UVRAG: variants seen among roughly 807,000 people sequenced by gnomAD.
UVRAG encodes UV radiation resistance-associated gene protein.
Under a neutral mutation model 78.0 loss-of-function variants are expected in UVRAG, and 19 were observed. That is an observed-to-expected ratio of 0.24 (90% CI 0.17 to 0.36). The LOEUF (loss-of-function observed/expected upper bound fraction) is 0.36, where lower values mean the gene tolerates loss of function less well. UVRAG is among the 10% of genes least tolerant of loss of function. UVRAG has a pLI of 1.00. For missense variants in UVRAG, 740 were observed against 853.8 expected, an observed-to-expected ratio of 0.87 and a Z score of 1.66; for synonymous variants, 323 against 324.6, an observed-to-expected ratio of 1.00 and a Z score of 0.05.
At chr11:76,112,998 C>T (rs1028982005) in intron 13 of UVRAG, among the ~76,000 whole-genome samples, 1 of 152,116 alleles carries the variant, frequency 6.6e-6, no homozygotes, top group African/African-American at 2.4e-5. Flanking sequence ...GGGTGTGAGC[C>T]ACCACACCTG....
chr11:76,082,817 C>T (rs1201714332), intron 13 of UVRAG, among the ~76,000 whole-genome samples: 2 of 152,046 alleles, frequency 1.3e-5, no homozygotes, highest in African/African-American at 4.8e-5. Context: ...ATCACTTGAG[C>T]CCAGGAGTTC....
intron 13 of UVRAG, among the ~76,000 whole-genome samples, chr11:76,097,106 A>G (rs961964179): frequency 3.3e-5 from 5 of 152,118 alleles, no homozygotes; most frequent in Non-Finnish European, 5.9e-5. Context: ...AAGTTTCTCC[A>G]TGTCTCCAGA....
At chr11:75,977,098 CTTTA>C (rs1949260288) in intron 7 of UVRAG, among the ~76,000 whole-genome samples, 1 of 152,120 alleles carries the variant, frequency 6.6e-6, no homozygotes, top group East Asian at 1.9e-4. Context: ...CAAAGAACAT[CTTTA>C]TTTCTGCCTT....
chr11:75,986,668 G>A (rs558943245), intron 8 of UVRAG, among the ~76,000 whole-genome samples: 12 of 152,152 alleles, frequency 7.9e-5, no homozygotes, highest in African/African-American at 2.9e-4. Flanking sequence ...GTATAATTCA[G>A]TTTTTCTTAG....
chr11:76,023,444 T>G (rs1024413794), intron 12 of UVRAG, among the ~76,000 whole-genome samples: 2 of 151,990 alleles, frequency 1.3e-5, no homozygotes, highest in Non-Finnish European at 2.9e-5. Context: ...AACTGTAATT[T>G]TTTTGCCCCA....
chr11:76,133,336 G>C (rs1159627091), intron 14 of UVRAG, among the ~76,000 whole-genome samples: 7 of 152,164 alleles, frequency 4.6e-5, no homozygotes, highest in Non-Finnish European at 1.0e-4. Flanking sequence ...GCTACATGTG[G>C]AGCTCTGGAA....
chr11:75,880,644 T>A (rs1383410771), intron 4 of UVRAG, among the ~76,000 whole-genome samples: 1 of 152,096 alleles, frequency 6.6e-6, no homozygotes, highest in Admixed American at 6.6e-5. Flanking sequence ...AGCCTCCGCC[T>A]CCCAAGTTCA....
At chr11:75,853,112 T>C (rs1946194259) in intron 2 of UVRAG, among the ~76,000 whole-genome samples, 1 of 152,052 alleles carries the variant, frequency 6.6e-6, no homozygotes, top group African/African-American at 2.4e-5. Flanking sequence ...GGGGTCCTAC[T>C]ATGTTTTTTG....
intron 6 of UVRAG, among the ~76,000 whole-genome samples, chr11:75,922,912 G>T (rs1442125131): frequency 6.9e-6 from 1 of 144,094 alleles, no homozygotes; most frequent in African/African-American, 2.6e-5. Context: ...CAGTCTGGGC[G>T]ACAAGAGCGA....
At chr11:76,016,254 TC>T (rs1464773704) in intron 11 of UVRAG, among the ~76,000 whole-genome samples, 1 of 152,212 alleles carries the variant, frequency 6.6e-6, no homozygotes, top group African/African-American at 2.4e-5. Context: ...TAAAGCATTT[TC>T]CCCCTTAACC....
At chr11:76,079,421 G>A (rs540737755) in intron 13 of UVRAG, among the ~76,000 whole-genome samples, 2 of 151,908 alleles carry the variant, frequency 1.3e-5, no homozygotes, top group African/African-American at 2.4e-5. Context: ...GGTGTTAAAG[G>A]CTTTAGTGAG....
chr11:75,969,646 T>G (rs1204698509), intron 7 of UVRAG, among the ~76,000 whole-genome samples: 1 of 152,210 alleles, frequency 6.6e-6, no homozygotes, highest in African/African-American at 2.4e-5. Flanking sequence ...TAATAATGAT[T>G]GGAAATAAGT....
intron 3 of UVRAG, among the ~76,000 whole-genome samples, chr11:75,877,552 C>A (rs1462205767): frequency 9.4e-5 from 13 of 138,446 alleles, no homozygotes; most frequent in African/African-American, 3.3e-4. Flanking sequence ...GCTGGCCGGG[C>A]GGGGGGCTGA....
intron 2 of UVRAG, among the ~76,000 whole-genome samples, chr11:75,857,574 C>T (rs1590940349): frequency 6.6e-6 from 1 of 151,508 alleles, no homozygotes; most frequent in East Asian, 1.9e-4. Context: ...ACTGCAGCCT[C>T]TACCTCCCAG....
chr11:75,977,692 A>AC (rs1949275585), intron 7 of UVRAG, among the ~76,000 whole-genome samples: 1 of 151,996 alleles, frequency 6.6e-6, no homozygotes, highest in East Asian at 1.9e-4. Flanking sequence ...TAGGATTGCA[A>AC]CCCCTGCTTT....
intron 14 of UVRAG, 95 bp from the exon 15 acceptor site, chr11:76,140,616 C>G (rs1952699496): frequency 8.2e-7 from 1 of 1,219,830 alleles, no homozygotes; most frequent in African/African-American, 1.5e-5. Context: ...TTTATTAGCT[C>G]AGACCTAAGT....
chr11:76,096,544 G>C (rs902848192), intron 13 of UVRAG, among the ~76,000 whole-genome samples: 6 of 152,144 alleles, frequency 3.9e-5, no homozygotes, highest in African/African-American at 1.4e-4. Context: ...GGAAAGCCTG[G>C]GCTAAATTAA....
intron 12 of UVRAG, among the ~76,000 whole-genome samples, chr11:76,060,996 C>T (rs1277226040): frequency 2.6e-5 from 4 of 152,240 alleles, no homozygotes; most frequent in Non-Finnish European, 4.4e-5. Context: ...GGCCCTGGTG[C>T]GGGATCTACT....
At chr11:75,826,715 A>C (rs1276345123) in intron 1 of UVRAG, among the ~76,000 whole-genome samples, 1 of 143,322 alleles carries the variant, frequency 7.0e-6, no homozygotes, top group East Asian at 2.0e-4. Context: ...TTTTTTTTAA[A>C]TGTTCTACTT....
Sources: gnomAD v4.1 joint callset for allele counts (sites outside exome capture counted in the v4.1 genomes callset) on GRCh38, gnomAD v4.1.1 for gene constraint, MANE v1.5 for transcripts, NCBI Gene and HGNC (gene_info 2026-07-23, HGNC 2026-07-21) for gene names.